The following SLC12A9 variants were observed in gnomAD, a reference collection of about 807,000 sequenced individuals.
SLC12A9 encodes CCC-interacting protein 1.
A neutral mutation model predicts 66.0 loss-of-function variants in SLC12A9; 55 were observed. The observed-to-expected ratio is 0.83, with a 90% CI of 0.67 to 1.04. SLC12A9 has a LOEUF of 1.04. Ranked by LOEUF, SLC12A9 falls within the 50% of genes least tolerant of loss-of-function variation. The pLI is 0.00. For synonymous variants in SLC12A9, 577 were observed against 569.0 expected, an observed-to-expected ratio of 1.01 and a Z score of -0.20; for missense variants, 1,061 against 1,241.9, an observed-to-expected ratio of 0.85 and a Z score of 2.19.
At chr7:100,844,611 A>G (rs1383877266) in intron 1 of SLC12A9, among the ~76,000 whole-genome samples, 1 of 152,170 alleles carries the variant, frequency 6.6e-6, no homozygotes, top group Non-Finnish European at 1.5e-5. Flanking sequence ...AAGCCACTTA[A>G]ATTAAAAAAA....
At chr7:100,826,894 G>GC in exon 1 of SLC12A9, 1 of 1,476,404 alleles carries the variant, frequency 6.8e-7, no homozygotes, top group Non-Finnish European at 9.1e-7. Flanking sequence ...GTAGTCAGAG[G>GC]CCGGCCCCTC....
At chr7:100,845,899 A>G (rs1478970613) in intron 1 of SLC12A9, among the ~76,000 whole-genome samples, 1 of 152,258 alleles carries the variant, frequency 6.6e-6, no homozygotes, top group Non-Finnish European at 1.5e-5. Flanking sequence ...CTTAAAAATA[A>G]TCACTAATAA....
rs117917063 is a variant in SLC12A9, at chr7:100,854,172, G to T, written c.-26G>T. 7.5e-4 allele frequency: 1,145 copies of T among 1,533,172 alleles called. 9 individuals are homozygous for T. In the East Asian group the frequency reaches 0.019, roughly 25 times the overall value. The allele number at this position is 1,533,172 out of a possible 1,614,324, so 95.0% of individuals were successfully genotyped here. On this transcript the variant is annotated 5_prime_UTR_variant, in exon 2 of 14. Transcript: ENST00000354161. ...CCTTTGCAGGTCACCTAACCCATTT[G>T]TGGCTTCCTCTACCTGTGCTCAGCC...
At chr7:100,847,106 C>A (rs1224286195) in intron 1 of SLC12A9, among the ~76,000 whole-genome samples, 2 of 152,138 alleles carry the variant, frequency 1.3e-5, no homozygotes, top group African/African-American at 4.8e-5. Context: ...AAGAGTCTTG[C>A]CGATGCCCCC....
rs561395834 is a variant in SLC12A9, at chr7:100,847,625, G to A, written n.229-12260G>A. Reference sequence around the variant, plus strand: ...GTTGCAGACTGGTTATAACTTGAAAGTGGAGGCCAAAGGAATTGTCTATGG... The same window carrying A: ...GTTGCAGACTGGTTATAACTTGAAAATGGAGGCCAAAGGAATTGTCTATGG... On this transcript the variant is annotated intron_variant and non_coding_transcript_variant, in intron 1 of 1. Coordinates refer to the SLC12A9 transcript ENST00000461016. 8.7e-4 allele frequency among the ~76,000 whole-genome samples: 133 copies of A among 152,264 alleles called. 2 individuals carry two copies. Among genetic ancestry groups the A allele is most frequent in the South Asian group, 1.9e-3 (9 of 4,828 alleles).
intron 1 of SLC12A9, among the ~76,000 whole-genome samples, chr7:100,834,885 G>T (rs996155367): frequency 2.0e-5 from 3 of 152,046 alleles, no homozygotes; most frequent in Non-Finnish European, 2.9e-5. Flanking sequence ...AAAATAATGG[G>T]CTGGGCACAG....
Position 100,859,947 on chromosome 7 carries a change from T to A in SLC12A9, c.1040T>A (p.Leu347Ter). 6.2e-7 allele frequency: 1 copy of A among 1,612,242 alleles called. No homozygotes were observed. Among genetic ancestry groups the A allele is most frequent in the Non-Finnish European group, 8.5e-7 (1 of 1,178,452 alleles). Residue 347 changes from leucine to a stop codon, truncating the protein, a stop_gained, in exon 8 of 14, where the codon TTG (leucine) becomes TAG (stop). Transcript: ENST00000354161. LOFTEE classifies it high-confidence loss of function. The part of the protein sequence containing the change: ...RAISLWPPLV[L>*]IGIYATALSA... Reference sequence around the variant, plus strand: ...ATCAGCCTGTGGCCCCCACTGGTGTTGATCGGAATCTATGCCACAGCGCTC... The same window carrying A: ...ATCAGCCTGTGGCCCCCACTGGTGTAGATCGGAATCTATGCCACAGCGCTC...
rs780502737 is a variant in SLC12A9 at position 100,861,387 on chromosome 7, C to T, written c.1344-5C>T. 1.5e-5 allele frequency: 24 copies of T among 1,612,884 alleles called. No homozygotes were observed. The highest frequency in any genetic ancestry group is 1.6e-4 in the Middle Eastern group (1 of 6,082). On this transcript the variant is annotated splice_region_variant and splice_polypyrimidine_tract_variant and intron_variant, in intron 10 of 13. Transcript: ENST00000354161. This position sits in a 1 kb window ranked among gnomAD's most constrained non-coding sequence, Gnocchi z 5.3. ...TTCTGTCCCTCCTCCCCTCCATGCCCGCAGCCCCACCTTCAGCCTGTTCTC... is the reference window on the plus strand; with the variant it reads ...TTCTGTCCCTCCTCCCCTCCATGCCTGCAGCCCCACCTTCAGCCTGTTCTC...
At chr7:100,842,082 T>C (rs904850903) in intron 1 of SLC12A9, among the ~76,000 whole-genome samples, 11 of 151,390 alleles carry the variant, frequency 7.3e-5, no homozygotes, top group Non-Finnish European at 1.5e-4. Flanking sequence ...GACCCTGCCT[T>C]GTGCTGCTAA....
chr7:100,846,462 G>A (rs1395977572), intron 1 of SLC12A9, among the ~76,000 whole-genome samples: 1 of 152,038 alleles, frequency 6.6e-6, no homozygotes, highest in Non-Finnish European at 1.5e-5. Flanking sequence ...AGTTACTCGG[G>A]AGGCTGAGGC....
intron 9 of SLC12A9, chr7:100,860,553 C>G (rs1814686300): frequency 5.2e-6 from 2 of 387,772 alleles, no homozygotes; most frequent in Non-Finnish European, 9.5e-6. Flanking sequence ...GTGGGGTGCC[C>G]CAGCACTTTG....
chr7:100,840,449 G>A (rs939467080), intron 1 of SLC12A9, among the ~76,000 whole-genome samples: 1 of 152,130 alleles, frequency 6.6e-6, no homozygotes, highest in African/African-American at 2.4e-5. Context: ...GTAAGCCAGG[G>A]AACCCAGACC....
chr7:100,858,738 C>T, intron 5 of SLC12A9, 97 bp from the exon 6 acceptor site: 1 of 1,167,994 alleles, frequency 8.6e-7, no homozygotes, highest in Non-Finnish European at 1.2e-6. Flanking sequence ...GCAGGGGAGG[C>T]AAGAGGACCG....
chr7:100,854,571 G>A (rs748200001), intron 2 of SLC12A9, 49 bp from the exon 3 acceptor site: 2 of 1,611,490 alleles, frequency 1.2e-6, no homozygotes, highest in Non-Finnish European at 1.7e-6. Flanking sequence ...GGGGGTGGGG[G>A]ATATGGGGTG....
At chr7:100,835,045 T>A (rs1172999325) in intron 1 of SLC12A9, among the ~76,000 whole-genome samples, 2 of 150,960 alleles carry the variant, frequency 1.3e-5, no homozygotes, top group African/African-American at 2.4e-5. Flanking sequence ...ACAAAAAAAA[T>A]TAAAATAAAC....
intron 1 of SLC12A9, among the ~76,000 whole-genome samples, chr7:100,832,095 GA>G (rs1813554985): frequency 6.6e-6 from 1 of 152,170 alleles, no homozygotes; most frequent in Non-Finnish European, 1.5e-5. Flanking sequence ...GGCTACTCGG[GA>G]GGCTGAGGCA....
chr7:100,826,984 A>G (rs1444192814), exon 1 of SLC12A9: 1 of 1,555,934 alleles, frequency 6.4e-7, no homozygotes. Flanking sequence ...CTCACCTTCC[A>G]AAGCTGCGGC....
chr7:100,853,609 G>A (rs1158878000), intron 1 of SLC12A9, among the ~76,000 whole-genome samples: 1 of 151,106 alleles, frequency 6.6e-6, no homozygotes, highest in Non-Finnish European at 1.5e-5. Flanking sequence ...CACCCAGGCT[G>A]GAGTGCAGTG....
At chr7:100,849,128 T>C (rs994121766), upstream of SLC12A9, among the ~76,000 whole-genome samples, 10 of 151,908 alleles carry the variant, frequency 6.6e-5, no homozygotes, top group African/African-American at 1.2e-4. Context: ...GGTTTCACCA[T>C]GATGGCCAGG....
Sources: gnomAD v4.1 joint callset for allele counts (sites outside exome capture counted in the v4.1 genomes callset) on GRCh38, gnomAD v4.1.1 for gene constraint, Gnocchi (gnomAD v3.1) non-coding constraint, MANE v1.5 for transcripts, NCBI Gene and HGNC (gene_info 2026-07-23, HGNC 2026-07-21) for gene names.